Variants in CNTN5 observed in about 807,000 individuals in gnomAD.
CNTN5 encodes the protein contactin-5.
Under a neutral mutation model 129.1 loss-of-function variants are expected in CNTN5, and 77 were observed. That is an observed-to-expected ratio of 0.60 (90% CI 0.50 to 0.72). CNTN5 has a LOEUF of 0.72. Ranked by LOEUF, CNTN5 falls within the 30% of genes least tolerant of loss-of-function variation. CNTN5 has a pLI of 0.00. For synonymous variants in CNTN5, 509 were observed against 465.6 expected (o/e 1.09, Z -1.20); for missense variants, 1,478 against 1,328.8 (o/e 1.11, Z -1.75).
At chr11:99,193,755 A>G (rs1002418961) in intron 1 of CNTN5, among the ~76,000 whole-genome samples, 4 of 152,176 alleles carry the variant, frequency 2.6e-5, no homozygotes, top group Non-Finnish European at 5.9e-5. Context: ...ACAAATTTAA[A>G]TGCAAAGCCA....
At position 99,213,358 on chromosome 11, in the gene CNTN5, G is replaced by A. The variant is rs200007165; in HGVS notation, c.-209-111988G>A. Among the ~76,000 whole-genome samples, 331 of 50,176 alleles carry A rather than the reference G, an allele frequency of 6.6e-3. 2 individuals are homozygous for A. The highest frequency in any genetic ancestry group is 0.018 in the African/African-American group (312 of 17,798). 32.9% of individuals were successfully genotyped at this position (50,176 alleles called of 152,430 possible). A position where few individuals can be genotyped will look rare whatever the true frequency, so the allele number is the denominator to read the frequency against. ...TACATATATAAAATATTATATATGT[G>A]TATATATGTATATATGTATATACAT... On this transcript the variant is annotated intron_variant, in intron 1 of 24. Transcript: ENST00000524871.
intron 13 of CNTN5, among the ~76,000 whole-genome samples, chr11:100,143,383 A>G (rs1946756562): frequency 6.6e-6 from 1 of 152,172 alleles, no homozygotes; most frequent in Non-Finnish European, 1.5e-5. Flanking sequence ...AGTAGGAGGT[A>G]GGATCTTCCT....
intron 2 of CNTN5, among the ~76,000 whole-genome samples, chr11:99,457,995 G>A (rs1021497293): frequency 4.6e-5 from 7 of 151,664 alleles, no homozygotes; most frequent in African/African-American, 1.7e-4. Flanking sequence ...TTGACCATTG[G>A]ACTCCAAATC....
At chr11:99,924,266 T>G (rs1950009923) in intron 7 of CNTN5, among the ~76,000 whole-genome samples, 1 of 152,174 alleles carries the variant, frequency 6.6e-6, no homozygotes, top group South Asian at 2.1e-4. Context: ...CTTTGCTTAC[T>G]TTTTGGTTTT....
chr11:99,478,932 A>G (rs934980890), intron 2 of CNTN5, among the ~76,000 whole-genome samples: 1 of 152,122 alleles, frequency 6.6e-6, no homozygotes, highest in African/African-American at 2.4e-5. Context: ...CTAATGTTTT[A>G]GATTCTTTTT....
chr11:99,845,024 T>C, intron 5 of CNTN5, 49 bp downstream of exon 5: 1 of 1,608,938 alleles, frequency 6.2e-7, no homozygotes, highest in Non-Finnish European at 8.5e-7. Flanking sequence ...AAACTTTCCA[T>C]CAATGATATT....
At chr11:100,040,547 G>T (rs994182907) in intron 9 of CNTN5, among the ~76,000 whole-genome samples, 1 of 152,304 alleles carries the variant, frequency 6.6e-6, no homozygotes, top group East Asian at 1.9e-4. Context: ...CTTTTTGTTT[G>T]TCTGTGCCCT....
intron 18 of CNTN5, among the ~76,000 whole-genome samples, chr11:100,274,436 A>G (rs1414860287): frequency 2.0e-5 from 3 of 152,210 alleles, no homozygotes; most frequent in Non-Finnish European, 4.4e-5. Flanking sequence ...TAAACAGATA[A>G]CCCACAGAAT....
chr11:99,612,554 T>C (rs1160317730), intron 3 of CNTN5, among the ~76,000 whole-genome samples: 1 of 152,208 alleles, frequency 6.6e-6, no homozygotes, highest in Non-Finnish European at 1.5e-5. Flanking sequence ...TCTTCTTTAG[T>C]CTTTTTAAAA....
rs375800619 is a variant in CNTN5 at position 99,430,369 on chromosome 11, G to T, written c.-71+104885G>T. Among the ~76,000 whole-genome samples the T allele has an allele frequency of 4.9e-3, 726 of 148,700 alleles. 1 individual carries two copies. Among genetic ancestry groups the T allele is most frequent in the Middle Eastern group, 0.014 (4 of 280 alleles). On this transcript the variant is annotated intron_variant, in intron 2 of 24. Transcript: ENST00000524871. ...AGTGTAAAATCATATATATATATAT[G>T]TGTGCACGCATGTGTGTATATACAT...
At chr11:99,898,484 G>A (rs1949268471) in intron 6 of CNTN5, among the ~76,000 whole-genome samples, 1 of 151,962 alleles carries the variant, frequency 6.6e-6, no homozygotes, top group Non-Finnish European at 1.5e-5. Flanking sequence ...AAATAGCATA[G>A]TTCCTGCTTC....
intron 7 of CNTN5, among the ~76,000 whole-genome samples, chr11:99,943,677 T>C (rs975111037): frequency 2.0e-5 from 3 of 152,158 alleles, no homozygotes; most frequent in African/African-American, 7.2e-5. Flanking sequence ...GTTTTATGTT[T>C]AAGTCTTTAA....
chr11:100,097,169 A>G (rs1051793404), intron 13 of CNTN5, among the ~76,000 whole-genome samples: 2 of 152,158 alleles, frequency 1.3e-5, no homozygotes, highest in South Asian at 4.1e-4. Flanking sequence ...TAATCCTAAT[A>G]TATCACAATT....
At position 100,065,272 on chromosome 11, in the gene CNTN5, T is replaced by C. The variant is rs12291696; in HGVS notation, c.1162+3879T>C. ...CGTCTGCAATTTGATTGTAAGCTCT[T>C]TCAAAATAGTCTACTTTTTTTTTCA... On this transcript the variant is annotated intron_variant, in intron 10 of 24. Transcript: ENST00000524871. 5.9e-3 allele frequency among the ~76,000 whole-genome samples: 897 copies of C among 152,238 alleles called. 8 individuals carry two copies. The highest frequency in any genetic ancestry group is 0.02 in the African/African-American group (852 of 41,570).
intron 19 of CNTN5, 143 bp from the exon 20 acceptor site, chr11:100,299,019 C>T: frequency 1.9e-6 from 1 of 522,712 alleles, no homozygotes; most frequent in Non-Finnish European, 3.3e-6. Context: ...AGTGATTGTA[C>T]TATTTTGGCT....
intron 1 of CNTN5, among the ~76,000 whole-genome samples, chr11:99,063,506 T>G (rs1455844025): frequency 1.4e-5 from 2 of 138,260 alleles, no homozygotes; most frequent in Admixed American, 1.5e-4. Context: ...TACTGAAAAC[T>G]CATAAATAAA....
At chr11:99,514,245 C>G (rs1039655107) in intron 2 of CNTN5, among the ~76,000 whole-genome samples, 2 of 151,966 alleles carry the variant, frequency 1.3e-5, no homozygotes, top group Non-Finnish European at 1.5e-5. Context: ...TGAGAAGTTG[C>G]TTTTTATGGA....
At chr11:99,028,096 T>C (rs1863182537) in intron 1 of CNTN5, among the ~76,000 whole-genome samples, 1 of 151,826 alleles carries the variant, frequency 6.6e-6, no homozygotes, top group African/African-American at 2.4e-5. Flanking sequence ...TCTTTAACAT[T>C]TTCAAATAAC....
At chr11:99,597,286 C>T (rs1483725778) in intron 3 of CNTN5, among the ~76,000 whole-genome samples, 3 of 152,106 alleles carry the variant, frequency 2.0e-5, no homozygotes, top group African/African-American at 4.8e-5. Flanking sequence ...TGTAGCAAGT[C>T]GTCTACAAGT....
Sources: gnomAD v4.1 joint callset for allele counts (sites outside exome capture counted in the v4.1 genomes callset) on GRCh38, gnomAD v4.1.1 for gene constraint, MANE v1.5 for transcripts, NCBI Gene and HGNC (gene_info 2026-07-23, HGNC 2026-07-21) for gene names.